TMEM108: variants seen among roughly 807,000 people sequenced by gnomAD.
TMEM108 encodes transmembrane protein 108.
A neutral mutation model predicts 35.1 loss-of-function variants in TMEM108; 12 were observed. That is an observed-to-expected ratio of 0.34 (90% confidence interval 0.22 to 0.55). The LOEUF (loss-of-function observed/expected upper bound fraction) is 0.55, where lower values mean the gene tolerates loss of function less well. Among genes scored for constraint, TMEM108 ranks in the 20% least tolerant of loss-of-function variants. The pLI, the probability that TMEM108 is intolerant of heterozygous loss-of-function variation, is 0.89. For missense variants in TMEM108, 680 were observed against 753.3 expected, an observed-to-expected ratio of 0.90 and a Z score of 1.14; for synonymous variants, 287 against 308.6, an observed-to-expected ratio of 0.93 and a Z score of 0.73.
intron 3 of TMEM108, among the ~76,000 whole-genome samples, chr3:133,324,962 C>T (rs1485389962): frequency 6.6e-6 from 1 of 152,018 alleles, no homozygotes; most frequent in Non-Finnish European, 1.5e-5. Context: ...GGCAACAGAG[C>T]AAGACTCCAT....
At chr3:133,343,518 A>C (rs922833572) in intron 3 of TMEM108, among the ~76,000 whole-genome samples, 1 of 151,946 alleles carries the variant, frequency 6.6e-6, no homozygotes, top group Non-Finnish European at 1.5e-5. Context: ...TGGTACAATC[A>C]TGCAGTGGAA....
intron 2 of TMEM108, among the ~76,000 whole-genome samples, chr3:133,117,223 G>A (rs1480724252): frequency 3.3e-5 from 5 of 152,148 alleles, no homozygotes; most frequent in African/African-American, 1.2e-4. Flanking sequence ...GAACAAGTGA[G>A]GTTGAAACTT....
chr3:133,053,459 C>G (rs578114655), intron 2 of TMEM108, among the ~76,000 whole-genome samples: 1 of 152,150 alleles, frequency 6.6e-6, no homozygotes, highest in Non-Finnish European at 1.5e-5. Context: ...GAGAATTGTT[C>G]TACAATTAGC....
In TMEM108 at chr3:133,380,425, G is replaced by A; in HGVS notation, c.714G>A (p.Arg238=). 1 of 1,613,550 alleles carries A rather than the reference G, an allele frequency of 6.2e-7. No homozygotes were observed. The change falls in exon 4 of 6, where the codon AGG becomes AGA. Residue 238 remains arginine (R), a synonymous_variant. Coordinates refer to ENST00000321871, the MANE Select transcript of TMEM108 (RefSeq NM_023943.4). This position sits in a 1 kb window ranked among gnomAD's most constrained non-coding sequence, Gnocchi z 5.3. Reference sequence around the variant, plus strand: ...CGGAGCCCTCTACCCTCACCCCCAGGACCCCACTCTGGGGCTACTCCTCTT... The same window carrying A: ...CGGAGCCCTCTACCCTCACCCCCAGAACCCCACTCTGGGGCTACTCCTCTT... ...VEPEPSTLTP[R]TPLWGYSSSP...
At chr3:133,211,092 C>T (rs1422270555) in intron 2 of TMEM108, among the ~76,000 whole-genome samples, 1 of 152,188 alleles carries the variant, frequency 6.6e-6, no homozygotes, top group African/African-American at 2.4e-5. Context: ...TTTTAATCAA[C>T]ATGCCACTTG....
intron 2 of TMEM108, among the ~76,000 whole-genome samples, chr3:133,074,813 T>A (rs928377027): frequency 9.2e-5 from 14 of 152,208 alleles, no homozygotes; most frequent in African/African-American, 3.1e-4. Context: ...ATAATAAAGT[T>A]TTTATAAATA....
At chr3:133,043,563 A>G (rs940142848) in intron 1 of TMEM108, among the ~76,000 whole-genome samples, 2 of 152,120 alleles carry the variant, frequency 1.3e-5, no homozygotes, top group Admixed American at 6.5e-5. Context: ...TTACCAAAAC[A>G]CTTTCAAATT....
At chr3:133,228,188 G>C (rs1576396597) in intron 2 of TMEM108, among the ~76,000 whole-genome samples, 1 of 99,454 alleles carries the variant, frequency 1.0e-5, no homozygotes, top group Admixed American at 9.9e-5. Context: ...TTATATCTCA[G>C]TAAAAAAAAA....
At chr3:133,385,225 G>A (rs971205091) in intron 4 of TMEM108, among the ~76,000 whole-genome samples, 2 of 152,206 alleles carry the variant, frequency 1.3e-5, no homozygotes, top group Admixed American at 1.3e-4. Context: ...TTATGGCTGG[G>A]AAACATGTCT....
intron 3 of TMEM108, chr3:133,378,193 C>T: frequency 3.6e-6 from 1 of 278,842 alleles, no homozygotes; most frequent in Non-Finnish European, 5.4e-6. Context: ...ATCTAAAGTC[C>T]CCCGCAGCCT....
At chr3:133,305,061 G>A (rs1044254817) in intron 3 of TMEM108, among the ~76,000 whole-genome samples, 1 of 151,942 alleles carries the variant, frequency 6.6e-6, no homozygotes, top group Non-Finnish European at 1.5e-5. Context: ...CCCAGCCCAG[G>A]CAACAGAGCG....
At chr3:133,043,199 A>G (rs1943294973) in intron 1 of TMEM108, among the ~76,000 whole-genome samples, 1 of 152,210 alleles carries the variant, frequency 6.6e-6, no homozygotes, top group Admixed American at 6.5e-5. Flanking sequence ...AATCTTTCAT[A>G]TAATTCACTT....
chr3:133,075,962 G>A (rs1218798601), intron 2 of TMEM108, among the ~76,000 whole-genome samples: 1 of 152,036 alleles, frequency 6.6e-6, no homozygotes, highest in Non-Finnish European at 1.5e-5. Context: ...GAAAGAGTGA[G>A]GAAAGATTGC....
At chr3:133,102,393 G>A (rs1944099916) in intron 2 of TMEM108, among the ~76,000 whole-genome samples, 1 of 152,150 alleles carries the variant, frequency 6.6e-6, no homozygotes, top group Non-Finnish European at 1.5e-5. Context: ...TGAGATCCTT[G>A]CAAACTGGAC....
Position 133,396,833 on chromosome 3 carries a change from T to C in TMEM108, c.*847T>C, listed in dbSNP as rs968022964. On this transcript the variant is annotated 3_prime_UTR_variant, in exon 6 of 6. Transcript: ENST00000321871. Reference sequence around the variant, plus strand: ...CCCTTCCTTCTTCAAGGATCAAATGTTTATTGGGGTTCAGCTTTGTTTTCT... The same window carrying C: ...CCCTTCCTTCTTCAAGGATCAAATGCTTATTGGGGTTCAGCTTTGTTTTCT... 3 of 152,140 alleles carry C rather than the reference T, an allele frequency of 2.0e-5. No homozygotes were observed. Among genetic ancestry groups the C allele is most frequent in the Non-Finnish European group, 4.4e-5 (3 of 68,016 alleles). The allele number at this position is 152,140 out of a possible 1,614,324, so 9.4% of individuals were successfully genotyped here. A position where few individuals can be genotyped will look rare whatever the true frequency, so the allele number is the denominator to read the frequency against.
intron 3 of TMEM108, among the ~76,000 whole-genome samples, chr3:133,311,644 G>A (rs1023905173): frequency 5.9e-5 from 9 of 152,068 alleles, no homozygotes; most frequent in Admixed American, 5.2e-4. Flanking sequence ...AGCTTCCTTC[G>A]AATGGGTTAG....
At chr3:133,099,417 G>A (rs192362882) in intron 2 of TMEM108, among the ~76,000 whole-genome samples, 17 of 152,320 alleles carry the variant, frequency 1.1e-4, no homozygotes, top group Admixed American at 5.9e-4. Context: ...CATTTTCCCC[G>A]TGGTCTTGGG....
intron 2 of TMEM108, among the ~76,000 whole-genome samples, chr3:133,165,890 A>G (rs1259635982): frequency 2.6e-5 from 4 of 152,234 alleles, no homozygotes; most frequent in Admixed American, 6.5e-5. Flanking sequence ...ACATTTAAAT[A>G]TATTACAATT....
intron 3 of TMEM108, among the ~76,000 whole-genome samples, chr3:133,303,730 A>G (rs1194209924): frequency 6.6e-6 from 1 of 152,216 alleles, no homozygotes; most frequent in Non-Finnish European, 1.5e-5. Flanking sequence ...TAATATGATA[A>G]TTCACTTTGA....
Sources: allele counts gnomAD v4.1 joint callset (sites outside exome capture counted in the v4.1 genomes callset), GRCh38; gene constraint gnomAD v4.1.1; non-coding constraint Gnocchi (gnomAD v3.1); transcripts MANE v1.5; gene names NCBI Gene and HGNC (gene_info 2026-07-23, HGNC 2026-07-21).